GABRB1: variants seen among roughly 807,000 people sequenced by gnomAD.
GABRB1 encodes gamma-aminobutyric acid type A receptor subunit beta1.
A neutral mutation model predicts 51.6 loss-of-function variants in GABRB1; 17 were observed. That is an observed-to-expected ratio of 0.33 (90% CI 0.23 to 0.49). The LOEUF (loss-of-function observed/expected upper bound fraction) is 0.49. GABRB1 is among the 20% of genes least tolerant of loss of function. The probability of loss-of-function intolerance (pLI) is 0.99; values close to 1 mark genes in which losing one functional copy is unlikely to be tolerated. For missense variants in GABRB1, 410 were observed against 600.6 expected (o/e 0.68, Z 3.32); for synonymous variants, 247 against 218.9 (o/e 1.13, Z -1.14).
chr4:47,363,659 G>C (rs1254258706), intron 5 of GABRB1, among the ~76,000 whole-genome samples: 1 of 152,146 alleles, frequency 6.6e-6, no homozygotes, highest in Admixed American at 6.6e-5. Flanking sequence ...TTAAAGTAAA[G>C]TTTGCTATGA....
At chr4:47,244,511 C>T (rs1453816147) in intron 4 of GABRB1, among the ~76,000 whole-genome samples, 1 of 152,108 alleles carries the variant, frequency 6.6e-6, no homozygotes, top group Admixed American at 6.6e-5. Context: ...TCCATCTGGT[C>T]CTGGACTTTT....
At chr4:47,386,569 A>G (rs1727800833) in intron 5 of GABRB1, among the ~76,000 whole-genome samples, 2 of 152,210 alleles carry the variant, frequency 1.3e-5, no homozygotes, top group Non-Finnish European at 2.9e-5. Flanking sequence ...TACCTAAAAC[A>G]TATGTACCTA....
chr4:47,188,291 A>C (rs1719272196), intron 4 of GABRB1, among the ~76,000 whole-genome samples: 1 of 152,018 alleles, frequency 6.6e-6, no homozygotes, highest in Non-Finnish European at 1.5e-5. Context: ...CTGTTTCAGA[A>C]TTAGTTCACA....
chr4:47,234,013 T>C (rs753305473), intron 4 of GABRB1, among the ~76,000 whole-genome samples: 3 of 152,154 alleles, frequency 2.0e-5, no homozygotes, highest in Non-Finnish European at 4.4e-5. Context: ...TGTGACAGAA[T>C]CATAAGAAAA....
chr4:46,999,155 T>C (rs553562973), intron 1 of GABRB1, among the ~76,000 whole-genome samples: 1 of 152,176 alleles, frequency 6.6e-6, no homozygotes, highest in African/African-American at 2.4e-5. Flanking sequence ...AATTAACCCA[T>C]ATAGTTTATT....
chr4:47,188,316 GTTAGCTTCATTATT>G (rs2109779240), intron 4 of GABRB1, among the ~76,000 whole-genome samples: 1 of 152,118 alleles, frequency 6.6e-6, no homozygotes, highest in East Asian at 1.9e-4. Flanking sequence ...ACTCAGTGAA[GTTAGCTTCATTATT>G]TTATAGTCAC....
intron 5 of GABRB1, among the ~76,000 whole-genome samples, chr4:47,324,218 C>T (rs1034840637): frequency 1.3e-5 from 2 of 152,188 alleles, no homozygotes; most frequent in African/African-American, 4.8e-5. Flanking sequence ...TCTTCACCAC[C>T]ATTCCGAGTT....
chr4:47,145,799 T>C (rs1717143452), intron 3 of GABRB1, among the ~76,000 whole-genome samples: 1 of 152,090 alleles, frequency 6.6e-6, no homozygotes, highest in African/African-American at 2.4e-5. Context: ...ATCGTTACCA[T>C]AGCAACTCCC....
At chr4:47,115,969 A>G (rs1331137360) in intron 3 of GABRB1, among the ~76,000 whole-genome samples, 2 of 152,166 alleles carry the variant, frequency 1.3e-5, no homozygotes, top group Non-Finnish European at 1.5e-5. Context: ...TAGTCAGGCT[A>G]TATCATCTTC....
rs117116446 is a variant in GABRB1 at position 47,326,257 on chromosome 4, T to A, written c.544+6048T>A. Among the ~76,000 whole-genome samples, 60 of 152,292 alleles carry A rather than the reference T, an allele frequency of 3.9e-4. No homozygotes were observed. The East Asian group carries it at 0.011, about 27-fold the overall frequency. On this transcript the variant is annotated intron_variant, in intron 5 of 8. Transcript: ENST00000295454. ...AAAGCAGATGATGCTCCCTTTGATA[T>A]ATCTTCAGAAGATCAATAGTAACCA...
chr4:47,123,977 GCA>G (rs34476294), intron 3 of GABRB1, among the ~76,000 whole-genome samples: 23 of 112,948 alleles, frequency 2.0e-4, no homozygotes, highest in East Asian at 4.8e-4. Context: ...ATGCACACAT[GCA>G]CACACACACA....
intron 4 of GABRB1, among the ~76,000 whole-genome samples, chr4:47,261,957 T>C (rs1441969491): frequency 1.7e-4 from 26 of 151,904 alleles, no homozygotes; most frequent in African/African-American, 6.0e-4. Context: ...ATTCCCTATT[T>C]AATAAATGGT....
intron 3 of GABRB1, among the ~76,000 whole-genome samples, chr4:47,067,249 G>A (rs2109538635): frequency 6.6e-6 from 1 of 152,320 alleles, no homozygotes; most frequent in South Asian, 2.1e-4. Context: ...AGGAAGAGTA[G>A]ATTTACCGTA....
intron 4 of GABRB1, among the ~76,000 whole-genome samples, chr4:47,265,504 T>G (rs993286363): frequency 1.3e-5 from 2 of 152,188 alleles, no homozygotes; most frequent in African/African-American, 4.8e-5. Flanking sequence ...TTTATTTCTT[T>G]GAGAAATCTC....
intron 3 of GABRB1, among the ~76,000 whole-genome samples, chr4:47,036,389 G>A (rs1725567773): frequency 6.6e-6 from 1 of 152,124 alleles, no homozygotes; most frequent in Admixed American, 6.5e-5. Flanking sequence ...CTCTAGGTCA[G>A]TGCTTCTCAA....
At chr4:47,208,521 A>T (rs1360288009) in intron 4 of GABRB1, among the ~76,000 whole-genome samples, 5 of 152,124 alleles carry the variant, frequency 3.3e-5, no homozygotes, top group African/African-American at 7.2e-5. Flanking sequence ...CACAATTTTT[A>T]AAAAAGTAAT....
rs536777390 is a variant in GABRB1 at position 47,328,665 on chromosome 4, G to A, written c.544+8456G>A. On this transcript the variant is annotated intron_variant, in intron 5 of 8. Transcript: ENST00000295454. ...CATCATTCTCAGCAAACTATCACAA[G>A]GACGAAAAACCAAACACCGCATGTT... 1.5e-3 allele frequency among the ~76,000 whole-genome samples: 233 copies of A among 152,086 alleles called. 2 individuals carry two copies. The highest frequency in any genetic ancestry group is 2.7e-3 in the Non-Finnish European group (187 of 68,004).
chr4:47,040,985 CT>C (rs879808879), intron 3 of GABRB1, among the ~76,000 whole-genome samples: 1 of 152,114 alleles, frequency 6.6e-6, no homozygotes, highest in Non-Finnish European at 1.5e-5. Flanking sequence ...GTGTGGGAAA[CT>C]TACTTACACA....
rs191074967 is a variant in GABRB1, at chr4:47,215,518, G to A, written c.461+54049G>A. On this transcript the variant is annotated intron_variant, in intron 4 of 8. Coordinates refer to ENST00000295454, the MANE Select transcript of GABRB1 (RefSeq NM_000812.4). ...AAGACTATGCTAGGTAGAGAAGGGG[G>A]AAAAATCAAAAGATGGATAAATAAA... Among the ~76,000 whole-genome samples the A allele has an allele frequency of 5.1e-3, 767 of 151,870 alleles. 5 individuals are homozygous for A. The highest frequency in any genetic ancestry group is 0.017 in the South Asian group (83 of 4,820).
Sources: allele counts gnomAD v4.1 joint callset (sites outside exome capture counted in the v4.1 genomes callset), GRCh38; gene constraint gnomAD v4.1.1; transcripts MANE v1.5; gene names NCBI Gene and HGNC (gene_info 2026-07-23, HGNC 2026-07-21).